ANP32A: variants seen among roughly 807,000 people sequenced by gnomAD.
ANP32A encodes acidic nuclear phosphoprotein 32 family member A.
Under a neutral mutation model 33.9 loss-of-function variants are expected in ANP32A, and 1 was observed. That is an observed-to-expected ratio of 0.03 (90% CI 0.01 to 0.14). The LOEUF (loss-of-function observed/expected upper bound fraction) is 0.14, where lower values mean the gene tolerates loss of function less well. Ranked by LOEUF, ANP32A falls within the 10% of genes least tolerant of loss-of-function variation. The probability of loss-of-function intolerance (pLI) is 1.00; values close to 1 mark genes in which losing one functional copy is unlikely to be tolerated. For synonymous variants in ANP32A, 115 were observed against 120.5 expected (o/e 0.95, Z 0.30); for missense variants, 155 against 306.0 (o/e 0.51, Z 3.68).
intron 1 of ANP32A, among the ~76,000 whole-genome samples, chr15:68,818,696 G>A (rs1341961672): frequency 6.6e-6 from 1 of 152,056 alleles, no homozygotes; most frequent in African/African-American, 2.4e-5. Context: ...GGCCGGCAGC[G>A]TCGGTCGGGT....
At position 68,780,852 on chromosome 15, in the gene ANP32A, G is replaced by A. The variant is rs781228313; in HGVS notation, c.625-379C>T. 2.3e-5 allele frequency: 4 copies of A among 173,710 alleles called. No individual in the cohort carries two copies. The highest frequency in any genetic ancestry group is 4.8e-5 in the African/African-American group (2 of 41,958). The allele number at this position is 173,710 out of a possible 1,614,324, so 10.8% of individuals were successfully genotyped here. A position where few individuals can be genotyped will look rare whatever the true frequency, so the allele number is the denominator to read the frequency against. ...CAAGTTCCCGAGCAGACTCCCTGAC[G>A]TGCAAAGTAGGCCATCCTTTCTTGC... On this transcript the variant is annotated intron_variant, in intron 5 of 6. Transcript: ENST00000465139. The surrounding 1 kb of genome is among the most constrained non-coding windows in gnomAD (Gnocchi z 4.3).
At chr15:68,791,101 C>T (rs972063853) in intron 1 of ANP32A, 1 of 152,314 alleles carries the variant, frequency 6.6e-6, no homozygotes, top group Non-Finnish European at 1.5e-5. Context: ...CCAGGGAAGT[C>T]CTGCCCCATA....
rs960248451 is a variant in ANP32A at position 68,781,353 on chromosome 15, A to C, written c.625-880T>G. 8 of 151,910 alleles carry C rather than the reference A, an allele frequency of 5.3e-5. No individual in the cohort carries two copies. The South Asian group carries it at 6.2e-4, about 12-fold the overall frequency. The allele number at this position is 151,910 out of a possible 1,614,324, so 9.4% of individuals were successfully genotyped here. On this transcript the variant is annotated intron_variant, in intron 5 of 6. Coordinates refer to ENST00000465139, the MANE Select transcript of ANP32A (RefSeq NM_006305.4). ...AGTGAGATTATTTAAAAAACAAAAA[A>C]CAAAAAACAAAATCCACAACCCTCC... is the stretch of plus-strand genomic sequence containing the variant.
At chr15:68,798,202 G>A (rs1458393408) in intron 1 of ANP32A, among the ~76,000 whole-genome samples, 1 of 152,190 alleles carries the variant, frequency 6.6e-6, no homozygotes, top group Non-Finnish European at 1.5e-5. Context: ...TTTCTGCCTT[G>A]GAGTCCGGGA....
intron 5 of ANP32A, chr15:68,782,640 C>T: frequency 2.9e-6 from 1 of 339,692 alleles, no homozygotes; most frequent in South Asian, 3.8e-5. Flanking sequence ...CATATGAAAG[C>T]AAAAAGCAGA....
At chr15:68,809,024 G>A (rs1045919238) in intron 1 of ANP32A, among the ~76,000 whole-genome samples, 1 of 152,194 alleles carries the variant, frequency 6.6e-6, no homozygotes, top group African/African-American at 2.4e-5. Flanking sequence ...CCCACCCTGA[G>A]TCTATGGCTG....
At chr15:68,816,214 T>C (rs576427983) in intron 1 of ANP32A, among the ~76,000 whole-genome samples, 12 of 152,040 alleles carry the variant, frequency 7.9e-5, no homozygotes, top group Non-Finnish European at 1.6e-4. Flanking sequence ...GTGGCACCAC[T>C]CCAAAGCTGG....
At chr15:68,808,637 G>A (rs1381442336) in intron 1 of ANP32A, among the ~76,000 whole-genome samples, 2 of 152,194 alleles carry the variant, frequency 1.3e-5, no homozygotes, top group Non-Finnish European at 2.9e-5. Context: ...CAATGGCTAA[G>A]GTGACAGTTG....
intron 3 of ANP32A, among the ~76,000 whole-genome samples, chr15:68,785,226 G>C (rs1893917211): frequency 6.6e-6 from 1 of 152,204 alleles, no homozygotes; most frequent in African/African-American, 2.4e-5. Flanking sequence ...AAGGACAAGA[G>C]AAAAAGCAAT....
chr15:68,817,297 G>C (rs997795009), intron 1 of ANP32A: 1 of 152,270 alleles, frequency 6.6e-6, no homozygotes, highest in African/African-American at 2.4e-5. Context: ...AAATAAAAGG[G>C]GGAAGGAGCA....
intron 1 of ANP32A, chr15:68,818,431 C>T (rs1055256618): frequency 6.4e-6 from 1 of 155,232 alleles, no homozygotes; most frequent in Non-Finnish European, 1.5e-5. Context: ...CTCCCCCAAC[C>T]CTTTTGTCCC....
At chr15:68,797,808 TTCC>T (rs1460846804) in intron 1 of ANP32A, among the ~76,000 whole-genome samples, 1 of 152,210 alleles carries the variant, frequency 6.6e-6, no homozygotes, top group African/African-American at 2.4e-5. Context: ...CCAGTCATTC[TTCC>T]TCCTATCTCT....
rs1409561847 is a variant in ANP32A, at chr15:68,809,753, G to C, written c.54+10945C>G. Among the ~76,000 whole-genome samples, 3 of 152,290 alleles carry C rather than the reference G, an allele frequency of 2.0e-5. No individual in the cohort carries two copies. The East Asian group carries it at 5.8e-4, about 29-fold the overall frequency. ...GGCTTCGTGCTTGATGTACCAACCG[G>C]TAGGTGATGAAAGTGACAAGAAGGT... On this transcript the variant is annotated intron_variant, in intron 1 of 6. Transcript: ENST00000465139.
intron 1 of ANP32A, among the ~76,000 whole-genome samples, chr15:68,797,564 G>A (rs1224806274): frequency 6.6e-6 from 1 of 152,118 alleles, no homozygotes; most frequent in Non-Finnish European, 1.5e-5. Flanking sequence ...CAAATCCAGA[G>A]TACGATTCCC....
At chr15:68,784,815 T>C (rs1893912743) in intron 3 of ANP32A, among the ~76,000 whole-genome samples, 1 of 151,890 alleles carries the variant, frequency 6.6e-6, no homozygotes, top group Non-Finnish European at 1.5e-5. Flanking sequence ...AAATGGGGGG[T>C]TGGACTGGAG....
At chr15:68,810,800 CT>C (rs985059610) in intron 1 of ANP32A, among the ~76,000 whole-genome samples, 16 of 152,268 alleles carry the variant, frequency 1.1e-4, no homozygotes, top group African/African-American at 3.6e-4. Flanking sequence ...TGGCTCACGC[CT>C]GTAATCCCAG....
chr15:68,816,500 A>G (rs1428474552), intron 1 of ANP32A, among the ~76,000 whole-genome samples: 1 of 152,244 alleles, frequency 6.6e-6, no homozygotes, highest in Non-Finnish European at 1.5e-5. Flanking sequence ...TTGCTATGTA[A>G]GCACTAGCTA....
chr15:68,796,606 T>C (rs1230597268), intron 1 of ANP32A, among the ~76,000 whole-genome samples: 5 of 152,110 alleles, frequency 3.3e-5, no homozygotes, highest in Non-Finnish European at 5.9e-5. Context: ...ACTGAAGAGG[T>C]AGGCACTGGA....
chr15:68,789,811 G>A (rs1045716201), intron 1 of ANP32A: 12 of 152,450 alleles, frequency 7.9e-5, no homozygotes, highest in African/African-American at 2.9e-4. Flanking sequence ...CTGGAGCTAA[G>A]GAGCTCTCAG....
Sources: gnomAD v4.1 joint callset for allele counts (sites outside exome capture counted in the v4.1 genomes callset) on GRCh38, gnomAD v4.1.1 for gene constraint, Gnocchi (gnomAD v3.1) non-coding constraint, MANE v1.5 for transcripts, NCBI Gene and HGNC (gene_info 2026-07-23, HGNC 2026-07-21) for gene names.